The following PACRGL variants were observed in gnomAD, a reference collection of about 807,000 sequenced individuals.
PACRGL encodes the protein parkin coregulated like.
In PACRGL, 38 loss-of-function variants were observed where a neutral mutation model predicts 34.5. The ratio of observed to expected loss-of-function variants is 1.10; its 90% CI spans 0.85 to 1.44. The LOEUF (loss-of-function observed/expected upper bound fraction) is 1.44. Among genes scored for constraint, PACRGL ranks in the 40% most tolerant of loss-of-function variants. The pLI is 0.00. For synonymous variants in PACRGL, 128 were observed against 100.1 expected (o/e 1.28, Z -1.66); for missense variants, 305 against 281.4 (o/e 1.08, Z -0.60).
chr4:20,696,326 G>T (rs1395944503), upstream of PACRGL: 5 of 152,122 alleles, frequency 3.3e-5, no homozygotes, highest in Non-Finnish European at 7.3e-5. Flanking sequence ...ATAGTTAAGA[G>T]GAGATTGGAA....
the PACRGL span, chr4:20,767,212 GA>G: frequency 3.2e-3 from 494 of 152,240 alleles, 5 homozygotes; most frequent in African/African-American, 0.012. Context: ...ATCAGCTTAT[GA>G]AGTATATATG....
At chr4:20,708,677 A>G (rs11736477) in intron 4 of PACRGL, among the ~76,000 whole-genome samples, 25,347 of 152,180 alleles carry the variant, frequency 0.17, 2,198 homozygotes, top group Middle Eastern at 0.23. Flanking sequence ...TCTTATGAAA[A>G]TAAGCCCAAA....
At chr4:20,712,255 A>ATTTTTTTTTTT (rs545813102) in intron 5 of PACRGL, among the ~76,000 whole-genome samples, 1 of 112,322 alleles carries the variant, frequency 8.9e-6, no homozygotes. Flanking sequence ...CCTTTTTCTT[A>ATTTTTTTTTTT]TTTTTTTTTT....
downstream of PACRGL, chr4:20,734,793 A>C (rs200346689): frequency 5.2e-3 from 5,105 of 981,862 alleles, 29 homozygotes; most frequent in Middle Eastern, 0.016. Flanking sequence ...AAAAACAAAA[A>C]AAACAAATGA....
At chr4:20,739,832 GC>G (rs1173347160) in intron 8 of PACRGL, among the ~76,000 whole-genome samples, 1 of 152,112 alleles carries the variant, frequency 6.6e-6, no homozygotes, top group East Asian at 1.9e-4. Context: ...TCACAAAGAA[GC>G]TAAAAACCTT....
downstream of PACRGL, among the ~76,000 whole-genome samples, chr4:20,737,376 G>C (rs1749868119): frequency 6.6e-6 from 1 of 152,188 alleles, no homozygotes; most frequent in African/African-American, 2.4e-5. Flanking sequence ...CAGTGGAGTA[G>C]GAGTGAAGAG....
chr4:20,766,306 T>C, the PACRGL span, among the ~76,000 whole-genome samples: 3 of 152,264 alleles, frequency 2.0e-5, no homozygotes, highest in South Asian at 4.1e-4. Context: ...CGGTGGGTCA[T>C]GCCTGTAATC....
At chr4:20,754,799 A>C (rs1371730365), downstream of PACRGL, among the ~76,000 whole-genome samples, 1 of 152,198 alleles carries the variant, frequency 6.6e-6, no homozygotes, top group East Asian at 1.9e-4. Flanking sequence ...TATTTTTCAA[A>C]TAAAGATATA....
chr4:20,762,432 T>G, the PACRGL span, among the ~76,000 whole-genome samples: 1 of 152,206 alleles, frequency 6.6e-6, no homozygotes, highest in Admixed American at 6.5e-5. Flanking sequence ...AGAATGATGA[T>G]CTTTTATTTA....
intron 5 of PACRGL, among the ~76,000 whole-genome samples, chr4:20,710,163 C>A (rs143970839): frequency 6.6e-6 from 1 of 152,138 alleles, no homozygotes; most frequent in African/African-American, 2.4e-5. Flanking sequence ...ATCGTGTTGA[C>A]ATGATGTGTT....
chr4:20,707,996 T>G (rs1331007737), intron 4 of PACRGL, 126 bp downstream of exon 4: 3 of 738,798 alleles, frequency 4.1e-6, no homozygotes, highest in African/African-American at 3.6e-5. Context: ...GATGACTTTA[T>G]TCACACTTTC....
chr4:20,738,215 GAGC>G (rs1750170874), intron 8 of PACRGL, among the ~76,000 whole-genome samples: 1 of 152,062 alleles, frequency 6.6e-6, no homozygotes, highest in South Asian at 2.1e-4. Context: ...GAAGATTGCT[GAGC>G]AGTTTTGAAA....
chr4:20,748,189 C>T (rs1292675162), intron 8 of PACRGL, among the ~76,000 whole-genome samples: 1 of 152,126 alleles, frequency 6.6e-6, no homozygotes, highest in African/African-American at 2.4e-5. Flanking sequence ...GACATGTCAA[C>T]TTCTGGCCTC....
At chr4:20,741,400 A>T (rs911962005) in intron 8 of PACRGL, among the ~76,000 whole-genome samples, 1 of 152,132 alleles carries the variant, frequency 6.6e-6, no homozygotes, top group African/African-American at 2.4e-5. Context: ...TCAAATTAAA[A>T]CTCAAGATTG....
rs185195913 is a variant in PACRGL, at chr4:20,712,191, C to A, written c.367-597C>A. ...TTTTCCTTCCTTCCTATTTTATTTTCTCTTTCTTCTTATATTTTTTCTTGC... is the reference window on the plus strand; with the variant it reads ...TTTTCCTTCCTTCCTATTTTATTTTATCTTTCTTCTTATATTTTTTCTTGC... On this transcript the variant is annotated intron_variant, in intron 5 of 8. Transcript: ENST00000503585. Among the ~76,000 whole-genome samples the A allele has an allele frequency of 2.0e-5, 3 of 149,714 alleles. No homozygotes were observed. The East Asian group carries it at 5.9e-4, about 29-fold the overall frequency.
At chr4:20,713,674 C>G (rs1738413706) in intron 7 of PACRGL, 135 bp downstream of exon 7, 1 of 622,222 alleles carries the variant, frequency 1.6e-6, no homozygotes, top group Non-Finnish European at 2.7e-6. Flanking sequence ...TTGAATGTGT[C>G]CCAGAGATTC....
At chr4:20,703,231 A>G (rs1374266555) in intron 1 of PACRGL, among the ~76,000 whole-genome samples, 1 of 152,188 alleles carries the variant, frequency 6.6e-6, no homozygotes, top group Non-Finnish European at 1.5e-5. Flanking sequence ...GTGTTGTCCT[A>G]AGGGAAGATC....
At chr4:20,745,999 C>T (rs545671321) in intron 8 of PACRGL, among the ~76,000 whole-genome samples, 2 of 152,116 alleles carry the variant, frequency 1.3e-5, no homozygotes, top group Non-Finnish European at 2.9e-5. Context: ...ACTAGAAATA[C>T]CATTTGACAC....
chr4:20,730,270 G>A lies in PACRGL; in HGVS notation c.*2929G>A, dbSNP rs753160980. On this transcript the variant is annotated 3_prime_UTR_variant, in exon 9 of 9. Transcript: ENST00000503585. ...GCTCAAATATTAAGTGTTTGCAAATGTAAATGCCATTCTATTCTATCCATT... is the reference window on the plus strand; with the variant it reads ...GCTCAAATATTAAGTGTTTGCAAATATAAATGCCATTCTATTCTATCCATT... 4.4e-5 allele frequency: 47 copies of A among 1,058,336 alleles called. No homozygotes were observed. Among genetic ancestry groups the A allele is most frequent in the Non-Finnish European group, 5.7e-5 (44 of 774,118 alleles). 65.6% of individuals were successfully genotyped at this position (1,058,336 alleles called of 1,614,324 possible).
Sources: gnomAD v4.1 joint callset for allele counts (sites outside exome capture counted in the v4.1 genomes callset) on GRCh38, gnomAD v4.1.1 for gene constraint, MANE v1.5 for transcripts, NCBI Gene and HGNC (gene_info 2026-07-23, HGNC 2026-07-21) for gene names.